Variants in CWC27 observed in about 807,000 individuals in gnomAD.
CWC27 encodes CWC27 spliceosome associated cyclophilin, also known as spliceosome-associated protein CWC27 homolog.
A neutral mutation model predicts 63.6 loss-of-function variants in CWC27; 47 were observed. The observed-to-expected ratio is 0.74, with a 90% CI of 0.58 to 0.94. The LOEUF (loss-of-function observed/expected upper bound fraction) is 0.94, where lower values mean the gene tolerates loss of function less well. Ranked by LOEUF, CWC27 falls within the 40% of genes least tolerant of loss-of-function variation. The pLI, the probability that CWC27 is intolerant of heterozygous loss-of-function variation, is 0.00. For missense variants in CWC27, 495 were observed against 554.3 expected (o/e 0.89, Z 1.07); for synonymous variants, 175 against 179.8 (o/e 0.97, Z 0.22).
rs57958257 is a variant in CWC27 at position 64,970,958 on chromosome 5, A to AGTGTGTGTGTGT, written c.1043-714_1043-703dup. Among the ~76,000 whole-genome samples the AGTGTGTGTGTGT allele has an allele frequency of 1.3e-3, 188 of 143,506 alleles. 1 individual carries two copies. The highest frequency in any genetic ancestry group is 3.4e-3 in the East Asian group (16 of 4,740). 94.1% of individuals were successfully genotyped at this position (143,506 alleles called of 152,430 possible). On this transcript the variant is annotated intron_variant, in intron 11 of 13. Transcript: ENST00000381070. The stretch of plus-strand genomic sequence containing the variant: ...AAAGAGAAGAGAGAGAGAGAGAGGG[A>AGTGTGTGTGTGT]GTGTGTGTGTGTGTGTGTGTGTGTG...
intron 11 of CWC27, among the ~76,000 whole-genome samples, chr5:64,950,645 A>G (rs1283594745): frequency 6.6e-6 from 1 of 152,068 alleles, no homozygotes; most frequent in Admixed American, 6.6e-5. Flanking sequence ...GGTATACTTT[A>G]CATACAATAA....
At chr5:64,995,446 C>T (rs1221920536) in intron 13 of CWC27, among the ~76,000 whole-genome samples, 7 of 152,042 alleles carry the variant, frequency 4.6e-5, no homozygotes. Context: ...TCTTCATAAT[C>T]CCAAGATTAT....
chr5:64,781,378 G>A (rs968153912), intron 2 of CWC27, among the ~76,000 whole-genome samples: 5 of 152,136 alleles, frequency 3.3e-5, no homozygotes, highest in African/African-American at 4.8e-5. Context: ...ATGAGTTTGT[G>A]TGTTAATAAA....
intron 11 of CWC27, among the ~76,000 whole-genome samples, chr5:64,943,150 G>A (rs1259538395): frequency 6.6e-6 from 1 of 151,518 alleles, no homozygotes; most frequent in Non-Finnish European, 1.5e-5. Context: ...ATACTCCTAG[G>A]TGAAAAAAAA....
At chr5:64,970,677 A>T (rs1341199510) in intron 11 of CWC27, among the ~76,000 whole-genome samples, 1 of 152,140 alleles carries the variant, frequency 6.6e-6, no homozygotes, top group Non-Finnish European at 1.5e-5. Flanking sequence ...TGCAGCTGTC[A>T]GTTTTGAAAC....
chr5:64,839,647 C>A (rs1170592779), intron 10 of CWC27, among the ~76,000 whole-genome samples: 1 of 152,064 alleles, frequency 6.6e-6, no homozygotes, highest in Non-Finnish European at 1.5e-5. Context: ...AAGTGTTGGG[C>A]TGGAATGTAG....
intron 11 of CWC27, among the ~76,000 whole-genome samples, chr5:64,947,847 G>GCCCAAA (rs1748619522): frequency 6.6e-6 from 1 of 152,022 alleles, no homozygotes; most frequent in Non-Finnish European, 1.5e-5. Context: ...CCAAAGGATA[G>GCCCAAA]ATGTTCATTT....
intron 11 of CWC27, among the ~76,000 whole-genome samples, chr5:64,924,795 A>G (rs1014390447): frequency 2.0e-5 from 3 of 152,236 alleles, no homozygotes; most frequent in Non-Finnish European, 2.9e-5. Context: ...GAAAGATTCC[A>G]TTAGAAGTGA....
chr5:64,773,609 G>A (rs12653112), intron 1 of CWC27, among the ~76,000 whole-genome samples: 82,127 of 152,016 alleles, frequency 0.54, 22,743 homozygotes, highest in East Asian at 0.85. Context: ...CATTCTAAAA[G>A]ATTGTGATGG....
At chr5:64,873,649 T>C (rs1289035764) in intron 10 of CWC27, among the ~76,000 whole-genome samples, 1 of 152,176 alleles carries the variant, frequency 6.6e-6, no homozygotes, top group East Asian at 1.9e-4. Flanking sequence ...CACCTAGTTA[T>C]TTCCTTTGCT....
chr5:64,906,432 A>G (rs1458310408), intron 11 of CWC27, among the ~76,000 whole-genome samples: 1 of 152,112 alleles, frequency 6.6e-6, no homozygotes, highest in Admixed American at 6.5e-5. Context: ...GATGATGAAC[A>G]TTTTTTCACG....
chr5:65,017,666 TA>T (rs1435200283), intron 13 of CWC27, among the ~76,000 whole-genome samples: 1 of 152,234 alleles, frequency 6.6e-6, no homozygotes, highest in African/African-American at 2.4e-5. Context: ...AAGAGAGTCA[TA>T]ACACCATTTG....
chr5:64,937,578 G>C (rs1218990467), intron 11 of CWC27, among the ~76,000 whole-genome samples: 2 of 152,166 alleles, frequency 1.3e-5, no homozygotes. Flanking sequence ...TGTTGATTTG[G>C]GGTGGAGGAT....
chr5:64,998,849 T>G (rs1196014626), intron 13 of CWC27, among the ~76,000 whole-genome samples: 1 of 152,044 alleles, frequency 6.6e-6, no homozygotes, highest in African/African-American at 2.4e-5. Flanking sequence ...CTCTTACTGT[T>G]GATTTTTAAT....
intron 10 of CWC27, among the ~76,000 whole-genome samples, chr5:64,835,138 C>T (rs1745626406): frequency 6.6e-6 from 1 of 151,748 alleles, no homozygotes; most frequent in African/African-American, 2.4e-5. Context: ...AAAAAGCTAT[C>T]ATTTCAGGCA....
At chr5:64,927,618 T>G (rs1259612700) in intron 11 of CWC27, among the ~76,000 whole-genome samples, 1 of 152,166 alleles carries the variant, frequency 6.6e-6, no homozygotes, top group Non-Finnish European at 1.5e-5. Context: ...TCCCTTCTCC[T>G]TCTTTTGCAA....
intron 13 of CWC27, among the ~76,000 whole-genome samples, chr5:64,998,796 AT>A (rs1749682911): frequency 1.3e-5 from 2 of 150,910 alleles, no homozygotes; most frequent in African/African-American, 4.9e-5. Flanking sequence ...TTCTATTCTT[AT>A]TTTTTTGTTC....
At chr5:64,940,964 A>C (rs1164523757) in intron 11 of CWC27, among the ~76,000 whole-genome samples, 1 of 148,394 alleles carries the variant, frequency 6.7e-6, no homozygotes, top group Non-Finnish European at 1.5e-5. Flanking sequence ...CTCCTGCCTC[A>C]GCCTCCCAAG....
intron 1 of CWC27, among the ~76,000 whole-genome samples, chr5:64,770,386 C>T (rs1030002978): frequency 2.6e-5 from 4 of 152,156 alleles, no homozygotes; most frequent in African/African-American, 9.7e-5. Flanking sequence ...CAATATCACC[C>T]CCAGTTAATA....
Sources: allele counts gnomAD v4.1 joint callset (sites outside exome capture counted in the v4.1 genomes callset), GRCh38; gene constraint gnomAD v4.1.1; transcripts MANE v1.5; gene names NCBI Gene and HGNC (gene_info 2026-07-23, HGNC 2026-07-21).